Variants in FHIT observed in about 807,000 individuals in gnomAD.
FHIT encodes the protein bis(5'-adenosyl)-triphosphatase.
FHIT carries 19 observed loss-of-function variants against 17.9 expected under a neutral mutation model. That is an observed-to-expected ratio of 1.06 (90% CI 0.74 to 1.56). The LOEUF (loss-of-function observed/expected upper bound fraction) is 1.56, where lower values mean the gene tolerates loss of function less well. Among genes scored for constraint, FHIT ranks in the 40% most tolerant of loss-of-function variants. FHIT has a pLI of 0.00. For synonymous variants in FHIT, 81 were observed against 69.7 expected, an observed-to-expected ratio of 1.16 and a Z score of -0.81; for missense variants, 248 against 189.2, an observed-to-expected ratio of 1.31 and a Z score of -1.82.
chr3:60,029,534 G>A (rs1370462253), intron 5 of FHIT, among the ~76,000 whole-genome samples: 1 of 152,134 alleles, frequency 6.6e-6, no homozygotes, highest in Non-Finnish European at 1.5e-5. Context: ...GTCGTCATAT[G>A]CTCCTGAATT....
intron 2 of FHIT, among the ~76,000 whole-genome samples, chr3:61,123,493 A>C (rs2106929984): frequency 6.8e-6 from 1 of 147,232 alleles, no homozygotes; most frequent in Admixed American, 6.8e-5. Flanking sequence ...CAGAGCTTAA[A>C]GTATAATAAA....
chr3:60,587,558 A>G (rs1307306928), intron 4 of FHIT, among the ~76,000 whole-genome samples: 1 of 152,006 alleles, frequency 6.6e-6, no homozygotes, highest in Non-Finnish European at 1.5e-5. Flanking sequence ...TAATCACCTG[A>G]TATTCACCGG....
At chr3:60,900,949 T>C (rs1354597085) in intron 3 of FHIT, among the ~76,000 whole-genome samples, 3 of 152,154 alleles carry the variant, frequency 2.0e-5, no homozygotes, top group Non-Finnish European at 2.9e-5. Flanking sequence ...GGCTAATATT[T>C]GTATTTTTAG....
At chr3:61,186,569 G>C (rs879742796) in intron 2 of FHIT, among the ~76,000 whole-genome samples, 1 of 152,224 alleles carries the variant, frequency 6.6e-6, no homozygotes, top group Non-Finnish European at 1.5e-5. Flanking sequence ...TCCTGAGACA[G>C]TCTCCTGCTC....
intron 3 of FHIT, among the ~76,000 whole-genome samples, chr3:60,924,296 G>C (rs1707458047): frequency 6.6e-6 from 1 of 152,186 alleles, no homozygotes; most frequent in African/African-American, 2.4e-5. Flanking sequence ...AGCCTAACTG[G>C]CAGGCACCCC....
At position 61,012,736 on chromosome 3, in the gene FHIT, G is replaced by C. The variant is rs192389206; in HGVS notation, c.-111+29311C>G. On this transcript the variant is annotated intron_variant, in intron 3 of 9. Transcript: ENST00000492590. ...ATAAGAAATACATATTTTTTGTTTT[G>C]ATCAATCTTGTGCTAATAATAGTGA... 1.9e-4 allele frequency among the ~76,000 whole-genome samples: 29 copies of C among 151,290 alleles called. No homozygotes were observed. The East Asian group carries it at 5.6e-3, about 29-fold the overall frequency.
At chr3:60,352,558 G>A (rs80002989) in intron 5 of FHIT, among the ~76,000 whole-genome samples, 1,889 of 152,150 alleles carry the variant, frequency 0.012, 40 homozygotes, top group African/African-American at 0.042. Flanking sequence ...CTAAAGTACA[G>A]TGGTGCAATG....
chr3:60,082,967 G>C (rs991535322), intron 5 of FHIT, among the ~76,000 whole-genome samples: 1 of 151,782 alleles, frequency 6.6e-6, no homozygotes, highest in Non-Finnish European at 1.5e-5. Flanking sequence ...CAAGCTCTTC[G>C]ATTAGGCCCT....
chr3:60,011,286 A>G, intron 7 of FHIT, 85 bp downstream of exon 7: 1 of 1,253,714 alleles, frequency 8.0e-7, no homozygotes, highest in Non-Finnish European at 1.2e-6. Flanking sequence ...TGAAACAGCA[A>G]TGTGCTGCAT....
intron 5 of FHIT, among the ~76,000 whole-genome samples, chr3:60,311,526 G>T (rs907528909): frequency 2.6e-5 from 4 of 152,164 alleles, no homozygotes; most frequent in East Asian, 1.9e-4. Context: ...AATATTCTGA[G>T]TGTATATTAG....
intron 5 of FHIT, among the ~76,000 whole-genome samples, chr3:60,283,233 A>G (rs905375699): frequency 6.6e-6 from 1 of 151,542 alleles, no homozygotes. Flanking sequence ...GGATATATAC[A>G]CACACACACA....
At chr3:59,763,319 A>G (rs1701622988) in intron 8 of FHIT, among the ~76,000 whole-genome samples, 1 of 152,236 alleles carries the variant, frequency 6.6e-6, no homozygotes, top group Non-Finnish European at 1.5e-5. Context: ...TGCTACGCAA[A>G]CACACAACTA....
intron 5 of FHIT, among the ~76,000 whole-genome samples, chr3:60,495,605 T>A (rs1323853106): frequency 7.9e-5 from 12 of 151,972 alleles, no homozygotes; most frequent in Non-Finnish European, 1.6e-4. Flanking sequence ...AAACCTACAT[T>A]GTGTTCATAA....
At chr3:60,676,724 T>C (rs2107853117) in intron 4 of FHIT, among the ~76,000 whole-genome samples, 1 of 152,336 alleles carries the variant, frequency 6.6e-6, no homozygotes, top group East Asian at 1.9e-4. Context: ...AAATAGGTTT[T>C]GATCTTGACC....
intron 3 of FHIT, among the ~76,000 whole-genome samples, chr3:60,928,392 G>A (rs1456025140): frequency 5.4e-5 from 8 of 148,014 alleles, no homozygotes; most frequent in African/African-American, 1.7e-4. Flanking sequence ...AAAAAAAAGT[G>A]CGAAAATTAG....
At chr3:59,963,611 C>G (rs1004100733) in intron 7 of FHIT, among the ~76,000 whole-genome samples, 7 of 152,104 alleles carry the variant, frequency 4.6e-5, no homozygotes, top group African/African-American at 1.7e-4. Flanking sequence ...ACATCAGGAA[C>G]TTTCATACTT....
chr3:60,821,008 C>T (rs1701909400), intron 4 of FHIT, among the ~76,000 whole-genome samples: 1 of 151,630 alleles, frequency 6.6e-6, no homozygotes, highest in Non-Finnish European at 1.5e-5. Flanking sequence ...CAGGGTCTCA[C>T]TCTGTCGCCT....
At chr3:60,568,748 G>C (rs909789976) in intron 4 of FHIT, among the ~76,000 whole-genome samples, 6 of 152,226 alleles carry the variant, frequency 3.9e-5, no homozygotes, top group South Asian at 2.1e-4. Flanking sequence ...CATTTTTAAT[G>C]AATTCCCTTT....
At chr3:60,050,846 C>T (rs1701843044) in intron 5 of FHIT, among the ~76,000 whole-genome samples, 1 of 152,072 alleles carries the variant, frequency 6.6e-6, no homozygotes, top group Non-Finnish European at 1.5e-5. Context: ...AAGTGATATT[C>T]CAGAAATCAG....
Sources: allele counts gnomAD v4.1 joint callset (sites outside exome capture counted in the v4.1 genomes callset), GRCh38; gene constraint gnomAD v4.1.1; transcripts MANE v1.5; gene names NCBI Gene and HGNC (gene_info 2026-07-23, HGNC 2026-07-21).